The following TRPM4 variants were observed in gnomAD, a reference collection of about 807,000 sequenced individuals.
TRPM4 encodes transient receptor potential cation channel subfamily M member 4, also known as calcium-activated non-selective cation channel 1.
In TRPM4, 124 loss-of-function variants were observed where a neutral mutation model predicts 135.6. The ratio of observed to expected loss-of-function variants is 0.91; its 90% CI spans 0.79 to 1.06. The LOEUF is 1.06. Ranked by LOEUF, TRPM4 falls within the 50% of genes least tolerant of loss-of-function variation. TRPM4 has a pLI of 0.00. For synonymous variants in TRPM4, 745 were observed against 705.6 expected (o/e 1.06, Z -0.88); for missense variants, 1,658 against 1,671.4 (o/e 0.99, Z 0.14).
In TRPM4 at chr19:49,158,258, G is replaced by A. The variant is rs967873202; in HGVS notation, c.91G>A (p.Gly31Arg). 6.2e-7 allele frequency: 1 copy of A among 1,613,752 alleles called. No individual in the cohort carries two copies. Among genetic ancestry groups the A allele is most frequent in the Non-Finnish European group, 8.5e-7 (1 of 1,179,916 alleles). The change falls in exon 2 of 25, where the codon GGA (glycine) becomes AGA (arginine). Residue 31 changes from glycine (G) to arginine (R), a missense_variant and splice_region_variant. Around this residue, in one of 3 missense-constraint regions of TRPM4, gnomAD observed 239 missense variants for 240.1 expected, o/e 1.00. Transcript: ENST00000252826. ...GTTCATAGTTGACTCCACAGATCCG[G>A]GGTGAGGAGTTCGCCCCTGGACTGA... Reference protein sequence around the residue: ...TTFIVDSTDPGGTLCQCGRPR... With the variant: ...TTFIVDSTDPRGTLCQCGRPR...
intron 16 of TRPM4, among the ~76,000 whole-genome samples, chr19:49,191,358 T>C (rs953364140): frequency 6.0e-5 from 9 of 151,024 alleles, no homozygotes; most frequent in African/African-American, 2.0e-4. Flanking sequence ...TGCATGCCAC[T>C]ACGCCCAGCT....
Position 49,190,708 on chromosome 19 carries a change from G to A in TRPM4, c.2145G>A (p.Glu715=). Residue 715 remains glutamate (E), a synonymous_variant, in exon 16 of 25, where the codon GAG becomes GAA. Coordinates refer to ENST00000252826, the MANE Select transcript of TRPM4 (RefSeq NM_017636.4). ...CCCCCCTTGCTAGGAAATCAGAAGAGGAGCCCACACGGGAGGAGCTAGAGT... is the reference window on the plus strand; with the variant it reads ...CCCCCCTTGCTAGGAAATCAGAAGAAGAGCCCACACGGGAGGAGCTAGAGT... ...TRLITFRKSE[E]EPTREELEFD... The A allele has an allele frequency of 6.2e-7, 1 of 1,614,158 alleles. No homozygotes were observed. The highest frequency in any genetic ancestry group is 8.5e-7 in the Non-Finnish European group (1 of 1,180,034).
chr19:49,207,334 C>A (rs78445683), intron 20 of TRPM4, among the ~76,000 whole-genome samples: 1 of 151,910 alleles, frequency 6.6e-6, no homozygotes, highest in South Asian at 2.1e-4. Flanking sequence ...TCCTAGTTTA[C>A]GATTTTTAAA....
chr19:49,166,386 C>G (rs932237639), intron 3 of TRPM4, among the ~76,000 whole-genome samples, 171 bp downstream of exon 3: 3 of 152,192 alleles, frequency 2.0e-5, no homozygotes, highest in Admixed American at 2.0e-4. Context: ...GTCCCGTTCT[C>G]TCTGCGTCTC....
chr19:49,196,982 A>C (rs546539307), intron 17 of TRPM4, 108 bp downstream of exon 17: 2 of 1,114,032 alleles, frequency 1.8e-6, no homozygotes, highest in Non-Finnish European at 2.5e-6. Flanking sequence ...CAGCAGGTCA[A>C]GCCAACCCTG....
At chr19:49,170,041 T>C (rs1158809429) in intron 6 of TRPM4, among the ~76,000 whole-genome samples, 1 of 152,186 alleles carries the variant, frequency 6.6e-6, no homozygotes, top group Non-Finnish European at 1.5e-5. Flanking sequence ...TTTCTTCAAA[T>C]AGGTACTTTT....
At chr19:49,205,400 C>A (rs906827182) in intron 20 of TRPM4, among the ~76,000 whole-genome samples, 2 of 152,024 alleles carry the variant, frequency 1.3e-5, no homozygotes, top group Non-Finnish European at 2.9e-5. Flanking sequence ...GGATTAGGGA[C>A]CATGCTAATA....
chr19:49,209,004 G>A (rs568518909), intron 20 of TRPM4, among the ~76,000 whole-genome samples: 1 of 150,888 alleles, frequency 6.6e-6, no homozygotes, highest in Admixed American at 6.6e-5. Flanking sequence ...TTTGTCAAAT[G>A]CCTTTTCTGT....
chr19:49,196,840 G>T lies in TRPM4; in HGVS notation c.2611G>T (p.Ala871Ser). 3 of 1,589,770 alleles carry T rather than the reference G, an allele frequency of 1.9e-6. No individual in the cohort carries two copies. Among genetic ancestry groups the T allele is most frequent in the East Asian group, 2.3e-5 (1 of 44,312 alleles). ...ADSWNQCDLV[A>S]LTCFLLGVGC... Reference sequence around the variant, plus strand: ...CAGCTGGAACCAGTGCGACCTAGTGGCTCTCACCTGCTTCCTCCTGGGCGT... The same window carrying T: ...CAGCTGGAACCAGTGCGACCTAGTGTCTCTCACCTGCTTCCTCCTGGGCGT... The change falls in exon 17 of 25, where the codon GCT (alanine) becomes TCT (serine). Residue 871 changes from alanine to serine, a missense_variant. Physicochemically the swap from Ala to Ser is moderately conservative, Grantham distance 99 (BLOSUM62 1). Coordinates refer to ENST00000252826, the MANE Select transcript of TRPM4 (RefSeq NM_017636.4).
Position 49,211,427 on chromosome 19 carries a change from C to T in TRPM4, c.3641-67C>T. 6 of 1,611,154 alleles carry T rather than the reference C, an allele frequency of 3.7e-6. No individual in the cohort carries two copies. The highest frequency in any genetic ancestry group is 5.1e-6 in the Non-Finnish European group (6 of 1,178,402). ...TTCGTCTTTCTTCTTTTTTGCCAGT[C>T]TCCCAGTTTTTCTGTCTCTCCCCTT... On this transcript the variant is annotated intron_variant, in intron 24 of 24. Coordinates refer to ENST00000252826, the MANE Select transcript of TRPM4 (RefSeq NM_017636.4). The surrounding 1 kb of genome is among the most constrained non-coding windows in gnomAD (Gnocchi z 4.8).
At chr19:49,207,006 C>T (rs1195391886) in intron 20 of TRPM4, among the ~76,000 whole-genome samples, 2 of 152,182 alleles carry the variant, frequency 1.3e-5, no homozygotes, top group African/African-American at 4.8e-5. Context: ...ATCTTGTACC[C>T]TGCAACTTTG....
At position 49,210,316 on chromosome 19, in the gene TRPM4, T is replaced by G. The variant is rs1600543225; in HGVS notation, c.3239T>G (p.Ile1080Ser). 12 of 1,614,228 alleles carry G rather than the reference T, an allele frequency of 7.4e-6. No individual in the cohort carries two copies. Among genetic ancestry groups the G allele is most frequent in the Non-Finnish European group, 1.0e-5 (12 of 1,180,048 alleles). The change falls in exon 21 of 25, where the codon ATC becomes AGC. Residue 1080 changes from isoleucine (I) to serine (S), a missense_variant. Ile to Ser is a moderately radical substitution (Grantham distance 142). Around this residue, in one of 3 missense-constraint regions of TRPM4, gnomAD observed 1,412 missense variants for 1,408.7 expected, o/e 1.00. Coordinates refer to ENST00000252826, the MANE Select transcript of TRPM4 (RefSeq NM_017636.4). This position sits in a 1 kb window ranked among gnomAD's most constrained non-coding sequence, Gnocchi z 4.1. ...CGGCCCGCGCTGGCCCCGCCCTTTA[T>G]CGTCATCTCCCACTTGCGCCTCCTG... Reference protein sequence around the residue: ...HSRPALAPPFIVISHLRLLLR... With the variant: ...HSRPALAPPFSVISHLRLLLR...
chr19:49,186,593 C>T (rs531559410), intron 12 of TRPM4, among the ~76,000 whole-genome samples: 3 of 152,176 alleles, frequency 2.0e-5, no homozygotes, highest in Middle Eastern at 3.4e-3. Context: ...TTTAACAGGC[C>T]GGGTGCAGTG....
intron 9 of TRPM4, among the ~76,000 whole-genome samples, chr19:49,174,428 G>C (rs1327765725): frequency 2.0e-5 from 3 of 151,900 alleles, no homozygotes; most frequent in African/African-American, 4.8e-5. Context: ...TGGGATTACA[G>C]GTGTGAGCCA....
At chr19:49,172,698 C>CTCCA (rs1206709174) in intron 9 of TRPM4, among the ~76,000 whole-genome samples, 1 of 134,772 alleles carries the variant, frequency 7.4e-6, no homozygotes, top group Non-Finnish European at 1.6e-5. Context: ...CCACTCATTC[C>CTCCA]TCCATCCATC....
chr19:49,210,686 C>T lies in TRPM4; in HGVS notation c.3329-24C>T, dbSNP rs1168022489. The stretch of plus-strand genomic sequence containing the variant: ...ATTGGGAAGGGGCGTGGCCTGAGCC[C>T]TTTGACTCCGCCCGCCCCTGCAGGG... On this transcript the variant is annotated intron_variant, in intron 21 of 24. Coordinates refer to ENST00000252826, the MANE Select transcript of TRPM4 (RefSeq NM_017636.4). The surrounding 1 kb of genome is among the most constrained non-coding windows in gnomAD (Gnocchi z 4.1). 3.7e-6 allele frequency: 6 copies of T among 1,613,586 alleles called. No individual in the cohort carries two copies. The highest frequency in any genetic ancestry group is 1.1e-5 in the South Asian group (1 of 90,960).
rs542073422 is a variant in TRPM4 at position 49,179,396 on chromosome 19, G to T, written c.1151-1953G>T. On this transcript the variant is annotated intron_variant, in intron 9 of 24. Coordinates refer to ENST00000252826, the MANE Select transcript of TRPM4 (RefSeq NM_017636.4). ...GACGGAGTCTCCCTTTCTCACCCAG[G>T]CTGGAATGCAGTGACGTGATCTCGG... Among the ~76,000 whole-genome samples, 616 of 151,012 alleles carry T rather than the reference G, an allele frequency of 4.1e-3. 5 individuals carry two copies. The highest frequency in any genetic ancestry group is 0.014 in the African/African-American group (575 of 41,024).
At chr19:49,198,261 A>G (rs755423564) in intron 17 of TRPM4, among the ~76,000 whole-genome samples, 9 of 152,230 alleles carry the variant, frequency 5.9e-5, no homozygotes, top group Admixed American at 1.3e-4. Flanking sequence ...CTAAGGCCAT[A>G]TGCTACCATG....
intron 2 of TRPM4, 76 bp from the exon 3 acceptor site, chr19:49,165,965 A>G (rs1222679051): frequency 7.6e-6 from 11 of 1,438,508 alleles, no homozygotes; most frequent in Non-Finnish European, 9.5e-6. Context: ...CCCCCTCTAC[A>G]GGAGCATGAA....
Sources: allele counts gnomAD v4.1 joint callset (sites outside exome capture counted in the v4.1 genomes callset), GRCh38; gene constraint gnomAD v4.1.1; regional missense constraint gnomAD v4.1.1; non-coding constraint Gnocchi (gnomAD v3.1); transcripts MANE v1.5; gene names NCBI Gene and HGNC (gene_info 2026-07-23, HGNC 2026-07-21).